Variants in PTPRK observed in about 807,000 individuals in gnomAD.
PTPRK encodes the protein protein tyrosine phosphatase receptor type K, also known as receptor-type tyrosine-protein phosphatase kappa.
Under a neutral mutation model 178.0 loss-of-function variants are expected in PTPRK, and 75 were observed. That is an observed-to-expected ratio of 0.42 (90% confidence interval 0.35 to 0.51). The LOEUF is 0.51. Among genes scored for constraint, PTPRK ranks in the 20% least tolerant of loss-of-function variants. The pLI is 0.02. For missense variants in PTPRK, 1,441 were observed against 1,797.8 expected, an observed-to-expected ratio of 0.80 and a Z score of 3.59; for synonymous variants, 637 against 620.6, an observed-to-expected ratio of 1.03 and a Z score of -0.39.
intron 7 of PTPRK, among the ~76,000 whole-genome samples, chr6:128,172,076 T>C (rs2114649432): frequency 6.6e-6 from 1 of 152,076 alleles, no homozygotes; most frequent in South Asian, 2.1e-4. Context: ...TACTGGTTAT[T>C]TACAAAATTA....
chr6:128,234,554 T>A (rs1188876000), intron 5 of PTPRK, among the ~76,000 whole-genome samples: 1 of 152,240 alleles, frequency 6.6e-6, no homozygotes, highest in East Asian at 1.9e-4. Context: ...CTTATGAAAC[T>A]TAATGTAAAT....
intron 7 of PTPRK, among the ~76,000 whole-genome samples, chr6:128,146,431 T>C (rs930632245): frequency 7.1e-6 from 1 of 140,590 alleles, no homozygotes; most frequent in Non-Finnish European, 1.6e-5. Flanking sequence ...TTTATGTGTG[T>C]GTGTGTGTGT....
chr6:128,411,182 C>T (rs575880796), intron 1 of PTPRK, among the ~76,000 whole-genome samples: 16 of 152,130 alleles, frequency 1.1e-4, no homozygotes, highest in Non-Finnish European at 1.8e-4. Context: ...CATGAACCAC[C>T]ACACCCGGCC....
chr6:128,415,396 A>G (rs993759954), intron 1 of PTPRK, among the ~76,000 whole-genome samples: 1 of 152,192 alleles, frequency 6.6e-6, no homozygotes, highest in Non-Finnish European at 1.5e-5. Context: ...CACAATTAAG[A>G]ATGCTTTTTC....
In PTPRK at chr6:128,027,170, T is replaced by C. The variant is rs112248972; in HGVS notation, c.2195-17902A>G. Among the ~76,000 whole-genome samples the C allele has an allele frequency of 9.4e-3, 1,434 of 152,298 alleles. 21 individuals are homozygous for C. The highest frequency in any genetic ancestry group is 0.033 in the African/African-American group (1,353 of 41,566). Reference sequence around the variant, plus strand: ...GAAGAAAATACCTATCATCATATTATGATCAAAGTATTTTGAAGTAAAAAT... The same window carrying C: ...GAAGAAAATACCTATCATCATATTACGATCAAAGTATTTTGAAGTAAAAAT... On this transcript the variant is annotated intron_variant, in intron 13 of 29. Coordinates refer to ENST00000368226, the MANE Select transcript of PTPRK (RefSeq NM_002844.4).
At chr6:128,413,041 T>A (rs768381326) in intron 1 of PTPRK, among the ~76,000 whole-genome samples, 1 of 152,178 alleles carries the variant, frequency 6.6e-6, no homozygotes, top group Non-Finnish European at 1.5e-5. Flanking sequence ...TAATAAATAT[T>A]TTTAACCTAG....
chr6:128,360,402 T>C (rs1834565308), intron 2 of PTPRK, among the ~76,000 whole-genome samples: 1 of 152,158 alleles, frequency 6.6e-6, no homozygotes, highest in Non-Finnish European at 1.5e-5. Context: ...TTCCAACACT[T>C]TTCCTACTCA....
chr6:128,265,022 T>G (rs1818734478), intron 3 of PTPRK, among the ~76,000 whole-genome samples: 1 of 152,168 alleles, frequency 6.6e-6, no homozygotes, highest in African/African-American at 2.4e-5. Flanking sequence ...AGCATTTTCT[T>G]TTGTAAATTG....
At chr6:128,198,784 T>C (rs1316094910) in intron 6 of PTPRK, among the ~76,000 whole-genome samples, 2 of 152,220 alleles carry the variant, frequency 1.3e-5, no homozygotes, top group African/African-American at 2.4e-5. Context: ...GCACTTTTTC[T>C]GGTAAGAGAT....
At chr6:128,170,914 A>G (rs897393152) in intron 7 of PTPRK, among the ~76,000 whole-genome samples, 6 of 151,988 alleles carry the variant, frequency 3.9e-5, no homozygotes, top group African/African-American at 1.4e-4. Flanking sequence ...AAAAAAAAAA[A>G]AACTGTTAAC....
chr6:128,147,466 T>G (rs767498957), intron 7 of PTPRK, among the ~76,000 whole-genome samples: 7 of 152,160 alleles, frequency 4.6e-5, no homozygotes, highest in Non-Finnish European at 1.0e-4. Flanking sequence ...CTCTCTTCCA[T>G]GGATGTAGCT....
intron 1 of PTPRK, among the ~76,000 whole-genome samples, chr6:128,498,306 G>T (rs953975376): frequency 1.3e-5 from 2 of 152,186 alleles, no homozygotes; most frequent in Non-Finnish European, 2.9e-5. Flanking sequence ...GCAGCCCAGA[G>T]AATCTACATT....
intron 6 of PTPRK, among the ~76,000 whole-genome samples, chr6:128,218,241 G>GT (rs1249619178): frequency 6.6e-6 from 1 of 152,056 alleles, no homozygotes; most frequent in Admixed American, 6.6e-5. Context: ...ATTTACAATC[G>GT]TATCTCCAAT....
At chr6:128,389,039 G>A (rs1839169802) in intron 2 of PTPRK, among the ~76,000 whole-genome samples, 1 of 152,080 alleles carries the variant, frequency 6.6e-6, no homozygotes, top group African/African-American at 2.4e-5. Context: ...CCTAGAAAAA[G>A]CAAGCCAGCG....
At chr6:128,081,521 G>T (rs1784820119) in intron 10 of PTPRK, among the ~76,000 whole-genome samples, 1 of 151,732 alleles carries the variant, frequency 6.6e-6, no homozygotes, top group Non-Finnish European at 1.5e-5. Context: ...AAAAATGAAA[G>T]ACATATTTTA....
chr6:128,347,822 T>G (rs1345656883), intron 2 of PTPRK, among the ~76,000 whole-genome samples: 1 of 152,118 alleles, frequency 6.6e-6, no homozygotes, highest in Non-Finnish European at 1.5e-5. Context: ...TTTTATTTAT[T>G]TATAACACTC....
intron 8 of PTPRK, among the ~76,000 whole-genome samples, chr6:128,084,175 C>A (rs2115005604): frequency 6.6e-6 from 1 of 152,196 alleles, no homozygotes; most frequent in East Asian, 1.9e-4. Flanking sequence ...GTTTCAAGAA[C>A]AGAGCTGTAT....
At chr6:128,384,830 T>C (rs562608941) in intron 2 of PTPRK, among the ~76,000 whole-genome samples, 2 of 152,020 alleles carry the variant, frequency 1.3e-5, no homozygotes, top group East Asian at 1.9e-4. Context: ...TTATCTCTGT[T>C]AAAATAACAA....
intron 7 of PTPRK, among the ~76,000 whole-genome samples, chr6:128,140,368 C>A (rs1183005096): frequency 6.6e-6 from 1 of 151,908 alleles, no homozygotes; most frequent in Non-Finnish European, 1.5e-5. Context: ...TGAAGCATTA[C>A]CTTTCAAATA....
Sources: gnomAD v4.1 joint callset for allele counts (sites outside exome capture counted in the v4.1 genomes callset) on GRCh38, gnomAD v4.1.1 for gene constraint, MANE v1.5 for transcripts, NCBI Gene and HGNC (gene_info 2026-07-23, HGNC 2026-07-21) for gene names.